KMT2A: variants seen among roughly 807,000 people sequenced by gnomAD.
KMT2A encodes the protein histone-lysine N-methyltransferase 2A.
Under a neutral mutation model 345.3 loss-of-function variants are expected in KMT2A, and 16 were observed. The observed-to-expected ratio is 0.05, with a 90% confidence interval of 0.03 to 0.07. The LOEUF (loss-of-function observed/expected upper bound fraction) is 0.07, where lower values mean the gene tolerates loss of function less well. KMT2A is among the 10% of genes least tolerant of loss of function. The pLI, the probability that KMT2A is intolerant of heterozygous loss-of-function variation, is 1.00. For synonymous variants in KMT2A, 1,599 were observed against 1,778.6 expected (o/e 0.90, Z 2.54); for missense variants, 3,272 against 4,841.6 (o/e 0.68, Z 9.62).
At chr11:118,462,621 C>G (rs1949766443) in intron 1 of KMT2A, among the ~76,000 whole-genome samples, 2 of 152,066 alleles carry the variant, frequency 1.3e-5, no homozygotes, top group Admixed American at 6.5e-5. Context: ...TGCAGTGGTG[C>G]GATCTCGGCT....
Position 118,473,978 on chromosome 11 carries a change from A to G in KMT2A, c.2819A>G (p.Asp940Gly), listed in dbSNP as rs1949989801. ...GGGCGGAAGAAGTCTTCATCACATG[A>G]TTCTGGGACTGATATTACTTCTGTG... ...ATGRKKSSSHDSGTDITSVTL... is the reference protein window; with the variant it reads ...ATGRKKSSSHGSGTDITSVTL... Residue 940 changes from aspartate to glycine, a missense_variant, in exon 3 of 36, where the codon GAT (aspartate) becomes GGT (glycine). Transcript: ENST00000534358. This position sits in a 1 kb window ranked among gnomAD's most constrained non-coding sequence, Gnocchi z 5.2. 6.2e-7 allele frequency: 1 copy of G among 1,613,736 alleles called. No individual in the cohort carries two copies. Among genetic ancestry groups the G allele is most frequent in the Admixed American group, 1.7e-5 (1 of 59,920 alleles).
chr11:118,477,498 C>CT (rs11430367), intron 4 of KMT2A, among the ~76,000 whole-genome samples: 29,894 of 56,596 alleles, frequency 0.53, 13,783 homozygotes, highest in East Asian at 0.75. Context: ...AAGTTATTGG[C>CT]TTTTTTTTTT....
chr11:118,472,938 A>C lies in KMT2A; in HGVS notation c.1779A>C (p.Ala593=), dbSNP rs2134264267. The C allele has an allele frequency of 6.2e-7, 1 of 1,613,962 alleles. No individual in the cohort carries two copies. ...PWLMPPTIPL[A]SPFLPASTAP... ...TTATGCCTCCAACAATCCCCTTAGC[A>C]TCACCATTTTTGCCTGCTTCCACTG... The change falls in exon 3 of 36, where the codon GCA becomes GCC. Residue 593 remains alanine, a synonymous_variant. Coordinates refer to ENST00000534358, the MANE Select transcript of KMT2A (RefSeq NM_001197104.2).
chr11:118,497,827 G>T lies in KMT2A; in HGVS notation c.5665-109G>T. 1 of 800,520 alleles carries T rather than the reference G, an allele frequency of 1.2e-6. No homozygotes were observed. Among genetic ancestry groups the T allele is most frequent in the Non-Finnish European group, 2.0e-6 (1 of 495,172 alleles). The allele number at this position is 800,520 out of a possible 1,614,324, so 49.6% of individuals were successfully genotyped here. On this transcript the variant is annotated intron_variant, in intron 20 of 35. Coordinates refer to ENST00000534358, the MANE Select transcript of KMT2A (RefSeq NM_001197104.2). This position sits in a 1 kb window ranked among gnomAD's most constrained non-coding sequence, Gnocchi z 4.8. Reference sequence around the variant, plus strand: ...TTTCTGTGTGCCTCCCTCCATTAAAGAATTATAGTTGCTTTCTTGAGGTTA... The same window carrying T: ...TTTCTGTGTGCCTCCCTCCATTAAATAATTATAGTTGCTTTCTTGAGGTTA...
chr11:118,491,995 T>C lies in KMT2A; in HGVS notation c.5004+67T>C. 2 of 1,117,348 alleles carry C rather than the reference T, an allele frequency of 1.8e-6. No homozygotes were observed. Among genetic ancestry groups the C allele is most frequent in the South Asian group, 1.5e-5 (1 of 66,152 alleles). The allele number at this position is 1,117,348 out of a possible 1,614,324, so 69.2% of individuals were successfully genotyped here. ...TAGTCTTTACCTAGTGTTTTTCTTT[T>C]GTTTTACTTCATTCTCCTCACTTAA... On this transcript the variant is annotated intron_variant, in intron 15 of 35. Coordinates refer to ENST00000534358, the MANE Select transcript of KMT2A (RefSeq NM_001197104.2). The surrounding 1 kb of genome is among the most constrained non-coding windows in gnomAD (Gnocchi z 4.2).
At position 118,501,783 on chromosome 11, in the gene KMT2A, A is replaced by C. The variant is rs1555045768; in HGVS notation, c.6431A>C (p.Lys2144Thr). The C allele has an allele frequency of 6.2e-7, 1 of 1,614,114 alleles. No individual in the cohort carries two copies. The highest frequency in any genetic ancestry group is 8.5e-7 in the Non-Finnish European group (1 of 1,179,972). The change falls in exon 26 of 36, where the codon AAG (lysine) becomes ACG (threonine). Residue 2144 changes from lysine (K) to threonine (T), a missense_variant. Coordinates refer to ENST00000534358, the MANE Select transcript of KMT2A (RefSeq NM_001197104.2). ...SGSCYYHVISKVPRIRTPSYS... is the reference protein window; with the variant it reads ...SGSCYYHVISTVPRIRTPSYS... ...TCCTGTTATTATCATGTCATCTCAA[A>C]GGTCCCCAGGATTCGAACACCCAGT...
At chr11:118,515,682 CT>C (rs11374365) in intron 31 of KMT2A, among the ~76,000 whole-genome samples, 47 of 97,480 alleles carry the variant, frequency 4.8e-4, no homozygotes, top group Middle Eastern at 8.3e-3. Context: ...TTTTTCTGTC[CT>C]TTTTTTTTTT....
At position 118,520,671 on chromosome 11, in the gene KMT2A, C is replaced by T. The variant is rs1001250761; in HGVS notation, c.11430-131C>T. 25 of 663,008 alleles carry T rather than the reference C, an allele frequency of 3.8e-5. No individual in the cohort carries two copies. Among genetic ancestry groups the T allele is most frequent in the Non-Finnish European group, 4.8e-5 (18 of 377,922 alleles). 41.1% of individuals were successfully genotyped at this position (663,008 alleles called of 1,614,324 possible). A position where few individuals can be genotyped will look rare whatever the true frequency, so the allele number is the denominator to read the frequency against. On this transcript the variant is annotated intron_variant, in intron 33 of 35. Transcript: ENST00000534358. The surrounding 1 kb of genome is among the most constrained non-coding windows in gnomAD (Gnocchi z 4.3). The stretch of plus-strand genomic sequence containing the variant: ...ATCTCAAAAAAAAAAGGGGGGCGCT[C>T]ATTTTATAAGGCACTCGTTCAGTTT...
rs1555036661 is a variant in KMT2A at position 118,473,791 on chromosome 11, C to T, written c.2632C>T (p.Arg878Trp). 6.2e-7 allele frequency: 1 copy of T among 1,613,232 alleles called. No individual in the cohort carries two copies. Among genetic ancestry groups the T allele is most frequent in the Non-Finnish European group, 8.5e-7 (1 of 1,179,706 alleles). ...VEKDKSRERD[R>W]EREKENKRES... ...GAAGGACAAGAGTAGAGAGAGAGACCGGGAGAGAGAAAAGGAGAATAAGCG... is the reference window on the plus strand; with the variant it reads ...GAAGGACAAGAGTAGAGAGAGAGACTGGGAGAGAGAAAAGGAGAATAAGCG... Residue 878 changes from arginine (R) to tryptophan (W), a missense_variant, in exon 3 of 36, where the codon CGG becomes TGG. Transcript: ENST00000534358. This position sits in a 1 kb window ranked among gnomAD's most constrained non-coding sequence, Gnocchi z 5.2.
Position 118,505,601 on chromosome 11 carries a change from C to T in KMT2A, c.9709C>T (p.Leu3237Phe), listed in dbSNP as rs1251105954. The T allele has an allele frequency of 1.1e-5, 18 of 1,614,004 alleles. No individual in the cohort carries two copies. Among genetic ancestry groups the T allele is most frequent in the Non-Finnish European group, 1.4e-5 (17 of 1,180,008 alleles). Reference sequence around the variant, plus strand: ...TCTACAGACCCGAAAGAATAAAAAACTTGCTCCCTCTAGTACCCCTTCAAA... The same window carrying T: ...TCTACAGACCCGAAAGAATAAAAAATTTGCTCCCTCTAGTACCCCTTCAAA... ...SRLQTRKNKK[L>F]APSSTPSNIA... The change falls in exon 27 of 36, where the codon CTT (leucine) becomes TTT (phenylalanine). Residue 3237 changes from leucine (L) to phenylalanine (F), a missense_variant. Physicochemically the swap from Leu to Phe is conservative, Grantham distance 22. Coordinates refer to ENST00000534358, the MANE Select transcript of KMT2A (RefSeq NM_001197104.2). This position sits in a 1 kb window ranked among gnomAD's most constrained non-coding sequence, Gnocchi z 4.6.
chr11:118,472,328 A>G lies in KMT2A; in HGVS notation c.1169A>G (p.Glu390Gly). ...KKGAQKKIEK[E>G]AAQLQGRKVK... ...GGGGCTCAAAAGAAAATTGAAAAAG[A>G]AGCAGCTCAGCTGCAGGGAAGAAAG... The change falls in exon 3 of 36, where the codon GAA becomes GGA. Residue 390 changes from glutamate to glycine, a missense_variant. Coordinates refer to ENST00000534358, the MANE Select transcript of KMT2A (RefSeq NM_001197104.2). 1 of 1,614,186 alleles carries G rather than the reference A, an allele frequency of 6.2e-7. No homozygotes were observed. Among genetic ancestry groups the G allele is most frequent in the African/African-American group, 1.3e-5 (1 of 75,042 alleles).
rs1403508362 is a variant in KMT2A, at chr11:118,520,268, G to A, written c.11429+204G>A. 1.8e-5 allele frequency: 10 copies of A among 559,862 alleles called. No homozygotes were observed. Among genetic ancestry groups the A allele is most frequent in the Non-Finnish European group, 2.8e-5 (9 of 317,778 alleles). 34.7% of individuals were successfully genotyped at this position (559,862 alleles called of 1,614,324 possible). ...AGAGGAGAAATTCAAAGAACTGTAAGATGCCTGTTTTCTTTAATGATAGTA... is the reference window on the plus strand; with the variant it reads ...AGAGGAGAAATTCAAAGAACTGTAAAATGCCTGTTTTCTTTAATGATAGTA... On this transcript the variant is annotated intron_variant, in intron 33 of 35. Coordinates refer to ENST00000534358, the MANE Select transcript of KMT2A (RefSeq NM_001197104.2). The surrounding 1 kb of genome is among the most constrained non-coding windows in gnomAD (Gnocchi z 4.3).
rs1591378968 is a variant in KMT2A, at chr11:118,476,101, C to T, written c.3157-704C>T. On this transcript the variant is annotated intron_variant, in intron 3 of 35. Coordinates refer to ENST00000534358, the MANE Select transcript of KMT2A (RefSeq NM_001197104.2). The surrounding 1 kb of genome is among the most constrained non-coding windows in gnomAD (Gnocchi z 4.1). ...TGTATTTTTAGTAGAGACAGGGTTT[C>T]TCCATGTTGGTCAGGCTGGTCTCAA... is the stretch of plus-strand genomic sequence containing the variant. Among the ~76,000 whole-genome samples, 1 of 151,978 alleles carries T rather than the reference C, an allele frequency of 6.6e-6. No individual in the cohort carries two copies. Among genetic ancestry groups the T allele is most frequent in the Admixed American group, 6.6e-5 (1 of 15,260 alleles).
intron 27 of KMT2A, 96 bp downstream of exon 27, chr11:118,506,742 G>C (rs1392797086): frequency 3.1e-6 from 4 of 1,300,904 alleles, no homozygotes; most frequent in Non-Finnish European, 4.2e-6. Flanking sequence ...ACACTCTTCT[G>C]TTCAAGTTGC....
chr11:118,454,800 C>T (rs1250368393), intron 1 of KMT2A, among the ~76,000 whole-genome samples: 2 of 151,838 alleles, frequency 1.3e-5, no homozygotes, highest in African/African-American at 4.8e-5. Context: ...ATATAGTTTT[C>T]ATGTACACAA....
rs1950277462 is a variant in KMT2A, at chr11:118,488,879, C to T, written c.4479+119C>T. The stretch of plus-strand genomic sequence containing the variant: ...GAAAAAATGAGTAGTTGCCTCTGTA[C>T]TCTATGTGAACAGACTTTTTCTTGT... On this transcript the variant is annotated intron_variant, in intron 11 of 35. Transcript: ENST00000534358. The T allele has an allele frequency of 1.0e-5, 8 of 799,108 alleles. No homozygotes were observed. The South Asian group carries it at 1.2e-4, about 12-fold the overall frequency. 49.5% of individuals were successfully genotyped at this position (799,108 alleles called of 1,614,324 possible).
chr11:118,480,269 T>G (rs1555038870), intron 6 of KMT2A, 31 bp downstream of exon 6: 13 of 1,574,598 alleles, frequency 8.3e-6, no homozygotes, highest in Non-Finnish European at 1.1e-5. Context: ...TTCCCCCAAA[T>G]GCTCCTTGCT....
Position 118,521,404 on chromosome 11 carries a change from A to G in KMT2A, c.11630A>G (p.Tyr3877Cys). 2 of 1,614,134 alleles carry G rather than the reference A, an allele frequency of 1.2e-6. No individual in the cohort carries two copies. Among genetic ancestry groups the G allele is most frequent in the Non-Finnish European group, 1.7e-6 (2 of 1,180,006 alleles). Residue 3877 changes from tyrosine to cysteine, a missense_variant, in exon 35 of 36, where the codon TAT (tyrosine) becomes TGT (cysteine). Coordinates refer to ENST00000534358, the MANE Select transcript of KMT2A (RefSeq NM_001197104.2). The surrounding 1 kb of genome is among the most constrained non-coding windows in gnomAD (Gnocchi z 5.3). ...RSIQTDKREK[Y>C]YDSKGIGCYM... is the part of the protein sequence containing the mutation. Reference sequence around the variant, plus strand: ...ATCCAGACTGACAAGCGGGAAAAGTATTACGACAGCAAGGTAAGTCTCCCA... The same window carrying G: ...ATCCAGACTGACAAGCGGGAAAAGTGTTACGACAGCAAGGTAAGTCTCCCA...
At position 118,436,706 on chromosome 11, in the gene KMT2A, CGGCGGCGGG is replaced by C. The variant is rs1949189658; in HGVS notation, c.195_203del (p.Ala66_Gly68del). 1 of 1,351,822 alleles carries C rather than the reference CGGCGGCGGG, an allele frequency of 7.4e-7. No homozygotes were observed. Among genetic ancestry groups the C allele is most frequent in the Admixed American group, 3.0e-5 (1 of 33,178 alleles). 83.7% of individuals were successfully genotyped at this position (1,351,822 alleles called of 1,614,324 possible). ...CCCCCGGCTGTGGCGGCCGCGGCGGCGGCGGCGGGAAGCAGCGGGGCTGGGGTTCCAGGG... is the reference window on the plus strand; with the variant it reads ...CCCCCGGCTGTGGCGGCCGCGGCGGCAAGCAGCGGGGCTGGGGTTCCAGGG... On this transcript the variant is annotated inframe_deletion, in exon 1 of 36. Transcript: ENST00000534358. This position sits in a 1 kb window ranked among gnomAD's most constrained non-coding sequence, Gnocchi z 6.9.
Sources: allele counts gnomAD v4.1 joint callset (sites outside exome capture counted in the v4.1 genomes callset), GRCh38; gene constraint gnomAD v4.1.1; non-coding constraint Gnocchi (gnomAD v3.1); transcripts MANE v1.5; gene names NCBI Gene and HGNC (gene_info 2026-07-23, HGNC 2026-07-21).